LSAMP: variants seen among roughly 807,000 people sequenced by gnomAD.
LSAMP encodes the protein limbic system-associated membrane protein.
In LSAMP, 7 loss-of-function variants were observed where a neutral mutation model predicts 38.6. That is an observed-to-expected ratio of 0.18 (90% CI 0.10 to 0.34). LSAMP has a LOEUF of 0.34. Ranked by LOEUF, LSAMP falls within the 10% of genes least tolerant of loss-of-function variation. The pLI is 1.00. For synonymous variants in LSAMP, 154 were observed against 166.8 expected (o/e 0.92, Z 0.59); for missense variants, 313 against 420.0 (o/e 0.75, Z 2.23).
At chr3:116,260,573 C>T (rs934620505) in intron 1 of LSAMP, among the ~76,000 whole-genome samples, 16 of 152,126 alleles carry the variant, frequency 1.1e-4, no homozygotes, top group Non-Finnish European at 1.9e-4. Flanking sequence ...TTTGAGACCA[C>T]GGCATAATCT....
At position 115,804,787 on chromosome 3, in the gene LSAMP, C is replaced by T. The variant is rs1037564605; in HGVS notation, c.*5530G>A. ...CGTGTCAGGCACTTCAAAAAGACTCCAAGAGAACATGCCTGAGAAAGATAA... is the reference window on the plus strand; with the variant it reads ...CGTGTCAGGCACTTCAAAAAGACTCTAAGAGAACATGCCTGAGAAAGATAA... On this transcript the variant is annotated 3_prime_UTR_variant, in exon 7 of 7. Transcript: ENST00000490035. The T allele has an allele frequency of 1.3e-5, 2 of 151,962 alleles. No individual in the cohort carries two copies. The highest frequency in any genetic ancestry group is 6.6e-5 in the Admixed American group (1 of 15,248). 9.4% of individuals were successfully genotyped at this position (151,962 alleles called of 1,614,324 possible). A position where few individuals can be genotyped will look rare whatever the true frequency, so the allele number is the denominator to read the frequency against.
chr3:116,077,413 C>T (rs1707768950), intron 2 of LSAMP, among the ~76,000 whole-genome samples: 2 of 151,978 alleles, frequency 1.3e-5, no homozygotes, highest in South Asian at 4.1e-4. Flanking sequence ...TTTTGTTCCT[C>T]ATGGGATTAT....
At chr3:116,162,277 T>C (rs897276880) in intron 1 of LSAMP, among the ~76,000 whole-genome samples, 4 of 152,178 alleles carry the variant, frequency 2.6e-5, no homozygotes, top group Non-Finnish European at 4.4e-5. Context: ...TTGTGCATGG[T>C]TTGGTGTTGG....
chr3:116,380,979 G>T (rs745473755), intron 1 of LSAMP, among the ~76,000 whole-genome samples: 14 of 151,922 alleles, frequency 9.2e-5, no homozygotes, highest in Admixed American at 3.3e-4. Context: ...TTCCTTACAG[G>T]TATATAATAT....
chr3:115,954,711 C>A (rs1351324988), intron 3 of LSAMP, among the ~76,000 whole-genome samples: 1 of 152,158 alleles, frequency 6.6e-6, no homozygotes, highest in Non-Finnish European at 1.5e-5. Context: ...CTCTCTAGAG[C>A]CCAGCATTTA....
At chr3:116,285,752 A>G (rs1366720213) in intron 1 of LSAMP, among the ~76,000 whole-genome samples, 1 of 152,174 alleles carries the variant, frequency 6.6e-6, no homozygotes, top group East Asian at 1.9e-4. Flanking sequence ...TTAAATGTCA[A>G]TGGAAAATAA....
intron 6 of LSAMP, among the ~76,000 whole-genome samples, chr3:115,823,203 G>T (rs963326098): frequency 2.0e-5 from 3 of 152,204 alleles, no homozygotes; most frequent in Non-Finnish European, 2.9e-5. Context: ...CTGAAAGGAG[G>T]ACTCTTACTG....
At chr3:116,341,033 A>G (rs1340859388) in intron 1 of LSAMP, among the ~76,000 whole-genome samples, 1 of 152,016 alleles carries the variant, frequency 6.6e-6, no homozygotes, top group Non-Finnish European at 1.5e-5. Context: ...AAGCTAAATG[A>G]TCCTTTTATG....
chr3:116,127,434 A>C (rs1247131557), intron 1 of LSAMP, among the ~76,000 whole-genome samples: 1 of 152,202 alleles, frequency 6.6e-6, no homozygotes, highest in Non-Finnish European at 1.5e-5. Context: ...ACATTTTTAG[A>C]GAAATGCAAG....
At chr3:116,387,278 T>C (rs1576182583) in intron 1 of LSAMP, among the ~76,000 whole-genome samples, 2 of 152,134 alleles carry the variant, frequency 1.3e-5, no homozygotes, top group South Asian at 4.1e-4. Context: ...GGAATAAAGG[T>C]ATATGGACAG....
chr3:116,284,220 C>T (rs1052527220), intron 1 of LSAMP, among the ~76,000 whole-genome samples: 5 of 151,960 alleles, frequency 3.3e-5, no homozygotes, highest in African/African-American at 4.8e-5. Context: ...TGTTTCATGC[C>T]TGAAGTTGCT....
intron 1 of LSAMP, among the ~76,000 whole-genome samples, chr3:116,272,101 C>A (rs1035224750): frequency 6.6e-6 from 1 of 151,758 alleles, no homozygotes; most frequent in Non-Finnish European, 1.5e-5. Context: ...AGCATTGATC[C>A]ACCTATACAG....
chr3:116,256,972 G>C (rs1383595116), intron 1 of LSAMP, among the ~76,000 whole-genome samples: 2 of 152,164 alleles, frequency 1.3e-5, no homozygotes, highest in East Asian at 3.8e-4. Context: ...CACATCTGGG[G>C]CTGCTATGCT....
intron 1 of LSAMP, among the ~76,000 whole-genome samples, chr3:116,224,554 C>G (rs1158300672): frequency 6.6e-6 from 1 of 152,118 alleles, no homozygotes; most frequent in Admixed American, 6.5e-5. Flanking sequence ...AAAATGTTTC[C>G]TTTTTTTCTG....
intron 1 of LSAMP, among the ~76,000 whole-genome samples, chr3:116,324,574 C>G (rs141884930): frequency 1.3e-5 from 2 of 152,046 alleles, no homozygotes; most frequent in African/African-American, 4.8e-5. Context: ...CTATTCATTC[C>G]GAGTTCTTAC....
At chr3:116,107,226 G>T (rs1354965254) in intron 1 of LSAMP, among the ~76,000 whole-genome samples, 2 of 152,178 alleles carry the variant, frequency 1.3e-5, no homozygotes, top group Non-Finnish European at 2.9e-5. Context: ...AGGAACAATG[G>T]TAATTGTGGG....
chr3:116,443,078 T>G (rs532769180), intron 1 of LSAMP, among the ~76,000 whole-genome samples: 1 of 152,354 alleles, frequency 6.6e-6, no homozygotes, highest in Admixed American at 6.5e-5. Flanking sequence ...AGTTATTCAT[T>G]TTTCTCATAT....
chr3:115,887,601 G>T (rs934561085), intron 3 of LSAMP, among the ~76,000 whole-genome samples: 5 of 151,906 alleles, frequency 3.3e-5, no homozygotes, highest in Non-Finnish European at 7.4e-5. Flanking sequence ...CTGTTAATTT[G>T]TTGGGGTACA....
At chr3:116,241,754 A>G (rs532562689) in intron 1 of LSAMP, among the ~76,000 whole-genome samples, 5 of 152,326 alleles carry the variant, frequency 3.3e-5, no homozygotes, top group African/African-American at 9.6e-5. Context: ...GGGTGCATCT[A>G]CAATCAGCAA....
Sources: allele counts gnomAD v4.1 joint callset (sites outside exome capture counted in the v4.1 genomes callset), GRCh38; gene constraint gnomAD v4.1.1; transcripts MANE v1.5; gene names NCBI Gene and HGNC (gene_info 2026-07-23, HGNC 2026-07-21).